ITGA7: variants seen among roughly 807,000 people sequenced by gnomAD.
The protein encoded by ITGA7 is integrin alpha-7.
In ITGA7, 84 loss-of-function variants were observed where a neutral mutation model predicts 131.6. That is an observed-to-expected ratio of 0.64 (90% CI 0.54 to 0.77). The LOEUF (loss-of-function observed/expected upper bound fraction) is 0.77. ITGA7 is among the 30% of genes least tolerant of loss of function. The pLI is 0.00. For missense variants in ITGA7, 1,399 were observed against 1,482.9 expected (o/e 0.94, Z 0.93); for synonymous variants, 548 against 600.7 (o/e 0.91, Z 1.28).
chr12:55,688,031 G>A lies in ITGA7; in HGVS notation c.3123C>T (p.Ile1041=). ...GCAGCCCAGCCAGTACAGCCAGGAG[G>A]ATGACCCACCAGGGCACTCCTTCTG... ...VVAEGVPWWV[I]LLAVLAGLLV... The change falls in exon 24 of 25, where the codon ATC becomes ATT. Residue 1041 remains isoleucine (I), a synonymous_variant. Coordinates refer to ENST00000257879, the MANE Select transcript of ITGA7 (RefSeq NM_002206.3). 4 of 1,614,156 alleles carry A rather than the reference G, an allele frequency of 2.5e-6. No homozygotes were observed. Among genetic ancestry groups the A allele is most frequent in the South Asian group, 2.2e-5 (2 of 91,082 alleles).
chr12:55,703,199 A>G (rs766048064), intron 1 of ITGA7, 21 bp from the exon 2 acceptor site: 26 of 1,604,034 alleles, frequency 1.6e-5, no homozygotes, highest in Non-Finnish European at 2.0e-5. Flanking sequence ...GGGCAGGGGC[A>G]GGGACAGGGA....
In ITGA7 at chr12:55,695,151, G is replaced by A. The variant is rs111376334; in HGVS notation, c.2004-181C>T. The A allele has an allele frequency of 1.2e-3, 794 of 636,206 alleles. 9 individuals carry two copies. The highest frequency in any genetic ancestry group is 8.1e-3 in the Admixed American group (306 of 37,786). The allele number at this position is 636,206 out of a possible 1,614,324, so 39.4% of individuals were successfully genotyped here. On this transcript the variant is annotated intron_variant, in intron 14 of 24. Transcript: ENST00000257879. Reference sequence around the variant, plus strand: ...CACGACTGGGAGTCAGGGGACCTCCGTTCTCATCTCAGCTCCACCATTACT... The same window carrying A: ...CACGACTGGGAGTCAGGGGACCTCCATTCTCATCTCAGCTCCACCATTACT...
At chr12:55,688,165 G>C (rs746552562) in intron 23 of ITGA7, 37 bp downstream of exon 23, 5 of 1,613,590 alleles carry the variant, frequency 3.1e-6, no homozygotes, top group East Asian at 2.2e-5. Flanking sequence ...GGAAAGAAGA[G>C]AGTCCTCCCC....
At chr12:55,695,492 C>T in intron 14 of ITGA7, 30 bp downstream of exon 14, 1 of 1,203,246 alleles carries the variant, frequency 8.3e-7, no homozygotes, top group Non-Finnish European at 1.2e-6. Flanking sequence ...CTTGCCCTCC[C>T]ACCCCCACCC....
At position 55,697,345 on chromosome 12, in the gene ITGA7, T is replaced by C. The variant is rs530770068; in HGVS notation, c.1506-68A>G. On this transcript the variant is annotated intron_variant, in intron 10 of 24. Coordinates refer to ENST00000257879, the MANE Select transcript of ITGA7 (RefSeq NM_002206.3). ...GGCCAAGGCCCCTACCCCCACCCCATCTGTCACATCCTGTCACAGCCCCAG... is the reference window on the plus strand; with the variant it reads ...GGCCAAGGCCCCTACCCCCACCCCACCTGTCACATCCTGTCACAGCCCCAG... 2.5e-6 allele frequency: 4 copies of C among 1,576,430 alleles called. No individual in the cohort carries two copies. The African/African-American group carries it at 5.4e-5, about 21-fold the overall frequency.
In ITGA7 at chr12:55,684,991, C is replaced by T; in HGVS notation, c.*67G>A. 1 of 1,352,372 alleles carries T rather than the reference C, an allele frequency of 7.4e-7. No individual in the cohort carries two copies. Among genetic ancestry groups the T allele is most frequent in the Non-Finnish European group, 1.0e-6 (1 of 997,768 alleles). The allele number at this position is 1,352,372 out of a possible 1,614,324, so 83.8% of individuals were successfully genotyped here. The stretch of plus-strand genomic sequence containing the variant: ...CACCAGCAGCCCACTCTACCCTCTT[C>T]ATCCCAAGGAGCCATCTCTGGGGAA... On this transcript the variant is annotated 3_prime_UTR_variant, in exon 25 of 25. Coordinates refer to ENST00000257879, the MANE Select transcript of ITGA7 (RefSeq NM_002206.3).
chr12:55,714,860 C>CT (rs1307236467), upstream of ITGA7, among the ~76,000 whole-genome samples: 2,934 of 103,034 alleles, frequency 0.028, 260 homozygotes, highest in East Asian at 0.057. Flanking sequence ...GGAATCAAGG[C>CT]TTTTTTTTTT....
At position 55,688,257 on chromosome 12, in the gene ITGA7, T is replaced by C. The variant is rs201796615; in HGVS notation, c.3002A>G (p.Asn1001Ser). The change falls in exon 23 of 25, where the codon AAC becomes AGC. Residue 1001 changes from asparagine to serine, a missense_variant. Asn to Ser is a conservative substitution (Grantham distance 46, BLOSUM62 1). Coordinates refer to ENST00000257879, the MANE Select transcript of ITGA7 (RefSeq NM_002206.3). ...VKSLEVIVRANITVKSSIKNL... is the reference protein window; with the variant it reads ...VKSLEVIVRASITVKSSIKNL... Reference sequence around the variant, plus strand: ...CTTTATGGAGGACTTCACTGTGATGTTGGCCCGGACAATCACTTCCAGGGA... The same window carrying C: ...CTTTATGGAGGACTTCACTGTGATGCTGGCCCGGACAATCACTTCCAGGGA... 1 of 1,614,128 alleles carries C rather than the reference T, an allele frequency of 6.2e-7. No homozygotes were observed. Among genetic ancestry groups the C allele is most frequent in the African/African-American group, 1.3e-5 (1 of 75,016 alleles).
chr12:55,713,138 A>C (rs527988123), upstream of ITGA7, among the ~76,000 whole-genome samples: 10 of 151,570 alleles, frequency 6.6e-5, no homozygotes, highest in Non-Finnish European at 1.3e-4. Context: ...ACAGCTCTGG[A>C]GGTGAGGCAC....
At chr12:55,697,659 C>A (rs756617940) in intron 9 of ITGA7, 36 bp downstream of exon 9, 1 of 1,614,038 alleles carries the variant, frequency 6.2e-7, no homozygotes, top group East Asian at 2.2e-5. Flanking sequence ...GAGGGGCTGA[C>A]GGCCTCAGGG....
At position 55,699,986 on chromosome 12, in the gene ITGA7, A is replaced by ATTGTG; in HGVS notation, c.673_674insCACAA (p.Leu225SerfsTer6). 1 of 1,614,130 alleles carries ATTGTG rather than the reference A, an allele frequency of 6.2e-7. No individual in the cohort carries two copies. Among genetic ancestry groups the ATTGTG allele is most frequent in the Non-Finnish European group, 8.5e-7 (1 of 1,180,018 alleles). ...GCTATCAATGTTGGTCACAAAAAGC[A>ATTGTG]ACCCTGTGGGGGGTGGGGTGAGACA... On this transcript the variant is annotated frameshift_variant, in exon 5 of 25. Coordinates refer to ENST00000257879, the MANE Select transcript of ITGA7 (RefSeq NM_002206.3). LOFTEE classifies it high-confidence loss of function.
intron 24 of ITGA7, among the ~76,000 whole-genome samples, chr12:55,686,721 C>T (rs971891647): frequency 1.3e-5 from 2 of 152,180 alleles, no homozygotes; most frequent in Admixed American, 6.5e-5. Context: ...TACATTGAGC[C>T]CTGGATACCA....
intron 24 of ITGA7, among the ~76,000 whole-genome samples, chr12:55,687,100 G>A (rs910225966): frequency 6.7e-6 from 1 of 149,310 alleles, no homozygotes; most frequent in African/African-American, 2.5e-5. Flanking sequence ...CCTTGTCCTT[G>A]ACTACAGGCT....
intron 21 of ITGA7, among the ~76,000 whole-genome samples, chr12:55,689,360 C>A (rs764814817): frequency 2.0e-5 from 3 of 152,214 alleles, no homozygotes; most frequent in Non-Finnish European, 4.4e-5. Flanking sequence ...AAGCGACCTG[C>A]CTCAGGTCAC....
rs1872151780 is a variant in ITGA7 at position 55,694,385 on chromosome 12, G to T, written c.2358-55C>A. The T allele has an allele frequency of 6.2e-7, 1 of 1,612,350 alleles. No homozygotes were observed. The highest frequency in any genetic ancestry group is 1.7e-5 in the Admixed American group (1 of 59,994). On this transcript the variant is annotated intron_variant, in intron 17 of 24. Coordinates refer to ENST00000257879, the MANE Select transcript of ITGA7 (RefSeq NM_002206.3). This position sits in a 1 kb window ranked among gnomAD's most constrained non-coding sequence, Gnocchi z 5.3. ...ATCAGGCACAGGCACCTCCCAAGGG[G>T]TCAGATGAGGTCAATATGACTACCC... is the stretch of plus-strand genomic sequence containing the variant.
At chr12:55,686,928 C>T (rs971477411) in intron 24 of ITGA7, among the ~76,000 whole-genome samples, 10 of 152,172 alleles carry the variant, frequency 6.6e-5, no homozygotes, top group Admixed American at 6.5e-5. Context: ...TCTGCCTCCA[C>T]GACTTTGCCT....
chr12:55,693,414 T>G, intron 19 of ITGA7, 97 bp from the exon 20 acceptor site: 1 of 1,101,096 alleles, frequency 9.1e-7, no homozygotes, highest in Non-Finnish European at 1.3e-6. Flanking sequence ...TGCCCAGGCT[T>G]GTCTCTAACT....
upstream of ITGA7, among the ~76,000 whole-genome samples, chr12:55,710,897 T>A (rs1420769553): frequency 6.6e-6 from 1 of 152,044 alleles, no homozygotes. Context: ...CATAAAGGAA[T>A]AGCACAAGGG....
chr12:55,704,123 T>C (rs1874673681), intron 1 of ITGA7, among the ~76,000 whole-genome samples: 1 of 152,220 alleles, frequency 6.6e-6, no homozygotes, highest in Non-Finnish European at 1.5e-5. Flanking sequence ...GCTGGCTCCA[T>C]GGGTCCTCTC....
Sources: allele counts gnomAD v4.1 joint callset (sites outside exome capture counted in the v4.1 genomes callset), GRCh38; gene constraint gnomAD v4.1.1; non-coding constraint Gnocchi (gnomAD v3.1); transcripts MANE v1.5; gene names NCBI Gene and HGNC (gene_info 2026-07-23, HGNC 2026-07-21).